NSMCE2: variants seen among roughly 807,000 people sequenced by gnomAD.
NSMCE2 encodes the protein E3 SUMO-protein ligase NSE2.
Under a neutral mutation model 23.8 loss-of-function variants are expected in NSMCE2, and 24 were observed. The ratio of observed to expected loss-of-function variants is 1.01; its 90% CI spans 0.73 to 1.42. The LOEUF (loss-of-function observed/expected upper bound fraction) is 1.42. Ranked by LOEUF, NSMCE2 falls within the 40% of genes most tolerant of loss-of-function variation. The pLI is 0.00. For synonymous variants in NSMCE2, 92 were observed against 94.1 expected, an observed-to-expected ratio of 0.98 and a Z score of 0.13; for missense variants, 284 against 296.5, an observed-to-expected ratio of 0.96 and a Z score of 0.31.
intron 1 of NSMCE2, among the ~76,000 whole-genome samples, chr8:125,098,315 A>T (rs753926783): frequency 6.6e-6 from 1 of 152,160 alleles, no homozygotes; most frequent in Non-Finnish European, 1.5e-5. Flanking sequence ...TGCATTTCTA[A>T]CAAGTTCATA....
At chr8:125,271,046 G>T (rs1464931104) in intron 5 of NSMCE2, 1 of 152,420 alleles carries the variant, frequency 6.6e-6, no homozygotes, top group African/African-American at 2.4e-5. Flanking sequence ...TGGATCACGA[G>T]GTCAGGAGTT....
rs530154353 is a variant in NSMCE2 at position 125,323,823 on chromosome 8, A to G, written c.419-33396A>G. 4.7e-4 allele frequency among the ~76,000 whole-genome samples: 72 copies of G among 152,320 alleles called. 1 individual carries two copies. In the South Asian group the frequency reaches 0.011, roughly 23 times the overall value. ...AATTTAGACTTCATCAAAATTAGGA[A>G]CTTCTGTTCTTCAAGAGATACTCTT... On this transcript the variant is annotated intron_variant, in intron 5 of 7. Transcript: ENST00000287437.
chr8:125,270,578 C>G (rs1435234757), intron 5 of NSMCE2: 1 of 152,122 alleles, frequency 6.6e-6, no homozygotes, highest in Admixed American at 6.6e-5. Context: ...TGTGTTATAT[C>G]CTGGGTAGGG....
At chr8:125,339,672 A>G (rs910881499) in intron 5 of NSMCE2, among the ~76,000 whole-genome samples, 6 of 151,974 alleles carry the variant, frequency 3.9e-5, no homozygotes, top group African/African-American at 1.4e-4. Context: ...TTTCTCTCAC[A>G]TTTTTGCCTT....
In NSMCE2 at chr8:125,126,699, A is replaced by G. The variant is rs907757382; in HGVS notation, c.157+24212A>G. Among the ~76,000 whole-genome samples the G allele has an allele frequency of 1.1e-4, 17 of 152,306 alleles. No individual in the cohort carries two copies. The South Asian group carries it at 1.2e-3, about 11-fold the overall frequency. ...GAAACAATTTTGGAATCAGGTCGCT[A>G]GGTTCAAACACAGCTCTGGCAATTA... On this transcript the variant is annotated intron_variant, in intron 3 of 7. Transcript: ENST00000287437.
chr8:125,325,448 C>G (rs1829628912), intron 5 of NSMCE2, among the ~76,000 whole-genome samples: 1 of 152,196 alleles, frequency 6.6e-6, no homozygotes, highest in African/African-American at 2.4e-5. Flanking sequence ...CCTCCTGGCT[C>G]AAGTCATCCT....
intron 4 of NSMCE2, among the ~76,000 whole-genome samples, chr8:125,154,871 G>C (rs1312353368): frequency 1.3e-5 from 2 of 152,144 alleles, no homozygotes; most frequent in African/African-American, 4.8e-5. Context: ...CTGATGACCT[G>C]ATGTTTCCTC....
intron 3 of NSMCE2, among the ~76,000 whole-genome samples, chr8:125,120,574 C>G (rs7831515): frequency 2.6e-5 from 4 of 151,992 alleles, no homozygotes; most frequent in African/African-American, 9.7e-5. Flanking sequence ...TAGTTTCTTA[C>G]GATATTGGGC....
At chr8:125,105,764 G>A (rs1478737884) in intron 3 of NSMCE2, among the ~76,000 whole-genome samples, 4 of 152,132 alleles carry the variant, frequency 2.6e-5, no homozygotes, top group East Asian at 3.8e-4. Flanking sequence ...GCAGTGGGCC[G>A]GATTTGGCTC....
intron 1 of NSMCE2, among the ~76,000 whole-genome samples, chr8:125,096,543 T>A (rs1442306316): frequency 6.7e-6 from 1 of 149,736 alleles, no homozygotes; most frequent in African/African-American, 2.4e-5. Flanking sequence ...TGTTATTTGT[T>A]TTTTTTTTTT....
At chr8:125,250,477 ACT>A (rs1192418876) in intron 5 of NSMCE2, among the ~76,000 whole-genome samples, 2 of 152,210 alleles carry the variant, frequency 1.3e-5, no homozygotes, top group Non-Finnish European at 2.9e-5. Flanking sequence ...TTAAACAACT[ACT>A]GTTTCCTTAC....
intron 5 of NSMCE2, among the ~76,000 whole-genome samples, chr8:125,352,303 C>A (rs914480487): frequency 4.6e-5 from 7 of 152,120 alleles, no homozygotes; most frequent in African/African-American, 1.7e-4. Flanking sequence ...CATGGAGAAA[C>A]CCCGTCTCTA....
chr8:125,151,319 T>C (rs113929083), intron 4 of NSMCE2, 42 bp downstream of exon 4: 1 of 997,028 alleles, frequency 1.0e-6, no homozygotes, highest in South Asian at 1.4e-5. Context: ...TGGTTACAAC[T>C]CACTGACCGA....
At chr8:125,238,571 T>A in intron 5 of NSMCE2, among the ~76,000 whole-genome samples, 1 of 152,014 alleles carries the variant, frequency 6.6e-6, no homozygotes, top group East Asian at 1.9e-4. Flanking sequence ...TTAAACAGCA[T>A]TTTTTTTCCT....
At chr8:125,301,997 T>C (rs1272672192) in intron 5 of NSMCE2, among the ~76,000 whole-genome samples, 1 of 150,944 alleles carries the variant, frequency 6.6e-6, no homozygotes, top group Non-Finnish European at 1.5e-5. Context: ...TCTCACTCTC[T>C]TGCCCAAGCT....
chr8:125,255,574 A>G (rs1019088164), intron 5 of NSMCE2, among the ~76,000 whole-genome samples: 3 of 152,146 alleles, frequency 2.0e-5, no homozygotes, highest in Non-Finnish European at 4.4e-5. Flanking sequence ...GAAGGAAACA[A>G]CATGGTGTGC....
rs10106726 is a variant in NSMCE2, at chr8:125,222,555, T to C, written c.418+40299T>C. On this transcript the variant is annotated intron_variant, in intron 5 of 7. Coordinates refer to ENST00000287437, the MANE Select transcript of NSMCE2 (RefSeq NM_173685.4). ...TTCCCCCAACCTCTGGTAACCACCATGCTATTCTCAAAGTCTATGAATTAG... is the reference window on the plus strand; with the variant it reads ...TTCCCCCAACCTCTGGTAACCACCACGCTATTCTCAAAGTCTATGAATTAG... Among the ~76,000 whole-genome samples the C allele has an allele frequency of 3.3e-3, 498 of 152,218 alleles. 1 individual carries two copies. Among genetic ancestry groups the C allele is most frequent in the Non-Finnish European group, 5.4e-3 (368 of 68,014 alleles).
chr8:125,352,674 C>A (rs1396785065), intron 5 of NSMCE2, among the ~76,000 whole-genome samples: 1 of 152,126 alleles, frequency 6.6e-6, no homozygotes, highest in Non-Finnish European at 1.5e-5. Flanking sequence ...AGATAGATAA[C>A]CTCAACTTTA....
intron 4 of NSMCE2, chr8:125,156,322 G>T (rs557014904): frequency 9.2e-4 from 146 of 158,758 alleles, no homozygotes; most frequent in African/African-American, 3.2e-3. Context: ...TTGTTCTTTT[G>T]GTATGTGCTG....
Sources: allele counts gnomAD v4.1 joint callset (sites outside exome capture counted in the v4.1 genomes callset), GRCh38; gene constraint gnomAD v4.1.1; transcripts MANE v1.5; gene names NCBI Gene and HGNC (gene_info 2026-07-23, HGNC 2026-07-21).